The following DOK5 variants were observed in gnomAD, a reference collection of about 807,000 sequenced individuals.
The protein encoded by DOK5 is downstream of tyrosine kinase 5.
A neutral mutation model predicts 43.3 loss-of-function variants in DOK5; 27 were observed. That is an observed-to-expected ratio of 0.62 (90% confidence interval 0.46 to 0.86). The LOEUF (loss-of-function observed/expected upper bound fraction) is 0.86, where lower values mean the gene tolerates loss of function less well. DOK5 is among the 40% of genes least tolerant of loss of function. The probability of loss-of-function intolerance (pLI) is 0.00; values close to 1 mark genes in which losing one functional copy is unlikely to be tolerated. For missense variants in DOK5, 373 were observed against 392.9 expected (o/e 0.95, Z 0.43); for synonymous variants, 146 against 140.1 (o/e 1.04, Z -0.30).
intron 1 of DOK5, among the ~76,000 whole-genome samples, chr20:54,498,288 T>C (rs1982474628): frequency 6.6e-6 from 1 of 152,216 alleles, no homozygotes; most frequent in African/African-American, 2.4e-5. Context: ...TTAGTGACCA[T>C]TACTAATGTT....
chr20:54,516,328 T>TA (rs900258912), intron 1 of DOK5, among the ~76,000 whole-genome samples: 5 of 152,092 alleles, frequency 3.3e-5, no homozygotes, highest in East Asian at 1.9e-4. Context: ...TAATTCAGTC[T>TA]AAAAAAAACT....
chr20:54,495,270 C>G (rs1204467677), intron 1 of DOK5: 1 of 152,172 alleles, frequency 6.6e-6, no homozygotes, highest in Admixed American at 6.5e-5. Flanking sequence ...AGAAATGTTA[C>G]TTTAGCTTTT....
chr20:54,623,264 G>A (rs1017696098), intron 6 of DOK5, among the ~76,000 whole-genome samples: 1 of 152,124 alleles, frequency 6.6e-6, no homozygotes, highest in Non-Finnish European at 1.5e-5. Flanking sequence ...CAGCCCCCCT[G>A]CCCTCGACAA....
At chr20:54,579,581 A>G (rs557155701) in intron 2 of DOK5, among the ~76,000 whole-genome samples, 2 of 152,232 alleles carry the variant, frequency 1.3e-5, no homozygotes, top group Non-Finnish European at 2.9e-5. Flanking sequence ...CAGTCCCTGG[A>G]AACCACCATC....
intron 5 of DOK5, among the ~76,000 whole-genome samples, chr20:54,597,134 A>T (rs978886918): frequency 5.9e-5 from 9 of 152,332 alleles, no homozygotes; most frequent in African/African-American, 2.2e-4. Flanking sequence ...TATGTACAAT[A>T]TAGCATTTAA....
intron 5 of DOK5, among the ~76,000 whole-genome samples, chr20:54,596,062 T>C (rs1299163923): frequency 6.6e-6 from 1 of 152,218 alleles, no homozygotes; most frequent in Admixed American, 6.5e-5. Context: ...CAGGATAGTG[T>C]TAAATGCAAG....
At chr20:54,549,539 G>T (rs757851561) in intron 1 of DOK5, among the ~76,000 whole-genome samples, 1 of 152,126 alleles carries the variant, frequency 6.6e-6, no homozygotes, top group Non-Finnish European at 1.5e-5. Context: ...AATAAGAAAT[G>T]AGAAAAAAGT....
chr20:54,578,562 G>A (rs1350038036), intron 2 of DOK5, among the ~76,000 whole-genome samples: 1 of 152,158 alleles, frequency 6.6e-6, no homozygotes, highest in African/African-American at 2.4e-5. Context: ...TTGGCAGAAA[G>A]ATCGTGTGCA....
chr20:54,615,898 T>TAA (rs111274477), intron 6 of DOK5, among the ~76,000 whole-genome samples: 1 of 142,446 alleles, frequency 7.0e-6, no homozygotes, highest in African/African-American at 2.8e-5. Context: ...AGACTCCATC[T>TAA]CAAAAAAAAA....
chr20:54,510,681 C>A (rs1017136289), intron 1 of DOK5, among the ~76,000 whole-genome samples: 1 of 152,154 alleles, frequency 6.6e-6, no homozygotes, highest in Non-Finnish European at 1.5e-5. Context: ...GCCCAGCCCC[C>A]GCTGCCTTGC....
chr20:54,582,245 C>A (rs1446381575), intron 2 of DOK5, among the ~76,000 whole-genome samples: 1 of 151,722 alleles, frequency 6.6e-6, no homozygotes, highest in Non-Finnish European at 1.5e-5. Flanking sequence ...TAATATGCTG[C>A]TGAATTCAGT....
intron 1 of DOK5, among the ~76,000 whole-genome samples, chr20:54,517,715 A>G (rs1983247904): frequency 6.6e-6 from 1 of 152,134 alleles, no homozygotes; most frequent in African/African-American, 2.4e-5. Flanking sequence ...CTAACCCCCA[A>G]GGATTTGGTA....
chr20:54,484,534 T>C (rs1270200048), intron 1 of DOK5, among the ~76,000 whole-genome samples: 1 of 152,200 alleles, frequency 6.6e-6, no homozygotes, highest in Non-Finnish European at 1.5e-5. Flanking sequence ...CTTTCAAATT[T>C]GTAGGACAAT....
rs534635126 is a variant in DOK5, at chr20:54,548,164, T to G, written c.67-6769T>G. Among the ~76,000 whole-genome samples the G allele has an allele frequency of 6.6e-5, 10 of 152,316 alleles. No homozygotes were observed. In the South Asian group the frequency reaches 1.5e-3, roughly 22 times the overall value. On this transcript the variant is annotated intron_variant, in intron 1 of 7. Transcript: ENST00000262593. ...ACATGATGTATAGGAGGTGAGCTATTTCAACATGGAAGTTATACTATCATT... is the reference window on the plus strand; with the variant it reads ...ACATGATGTATAGGAGGTGAGCTATGTCAACATGGAAGTTATACTATCATT...
At chr20:54,628,074 A>T (rs547380926) in intron 6 of DOK5, among the ~76,000 whole-genome samples, 2 of 152,324 alleles carry the variant, frequency 1.3e-5, no homozygotes, top group African/African-American at 4.8e-5. Flanking sequence ...ATTCAGGCAT[A>T]CTTTTCTACT....
chr20:54,551,017 T>A (rs377172730), intron 1 of DOK5, among the ~76,000 whole-genome samples: 1 of 152,204 alleles, frequency 6.6e-6, no homozygotes, highest in African/African-American at 2.4e-5. Flanking sequence ...TCCCACCAAC[T>A]ATGTATGAGT....
intron 6 of DOK5, among the ~76,000 whole-genome samples, chr20:54,620,046 T>TA (rs1269374250): frequency 1.3e-5 from 2 of 151,056 alleles, no homozygotes; most frequent in African/African-American, 4.9e-5. Flanking sequence ...TGGGTTAACT[T>TA]ATGGATTTTT....
At chr20:54,488,698 C>T (rs1271469409) in intron 1 of DOK5, among the ~76,000 whole-genome samples, 1 of 150,398 alleles carries the variant, frequency 6.6e-6, no homozygotes, top group Non-Finnish European at 1.5e-5. Context: ...TTCCTTCCTT[C>T]CCTCCCTCCC....
At chr20:54,587,056 T>G (rs1378019411) in intron 2 of DOK5, among the ~76,000 whole-genome samples, 19 of 151,936 alleles carry the variant, frequency 1.3e-4, no homozygotes. Context: ...GGGATTAAAA[T>G]GGAAGTGGAA....
Sources: allele counts gnomAD v4.1 joint callset (sites outside exome capture counted in the v4.1 genomes callset), GRCh38; gene constraint gnomAD v4.1.1; transcripts MANE v1.5; gene names NCBI Gene and HGNC (gene_info 2026-07-23, HGNC 2026-07-21).